The following PTPRM variants were observed in gnomAD, a reference collection of about 807,000 sequenced individuals.
The protein encoded by PTPRM is receptor-type tyrosine-protein phosphatase mu.
PTPRM carries 47 observed loss-of-function variants against 186.7 expected under a neutral mutation model. The observed-to-expected ratio is 0.25, with a 90% CI of 0.20 to 0.32. The LOEUF is 0.32. Ranked by LOEUF, PTPRM falls within the 10% of genes least tolerant of loss-of-function variation. PTPRM has a pLI of 1.00. For synonymous variants in PTPRM, 668 were observed against 674.9 expected (o/e 0.99, Z 0.16); for missense variants, 1,494 against 1,865.0 (o/e 0.80, Z 3.66).
intron 22 of PTPRM, among the ~76,000 whole-genome samples, chr18:8,341,046 C>T (rs2095471516): frequency 8.7e-6 from 1 of 114,410 alleles, no homozygotes; most frequent in South Asian, 3.4e-4. Context: ...CTGTATAGTG[C>T]TTGGGAGCAG....
intron 1 of PTPRM, among the ~76,000 whole-genome samples, chr18:7,666,523 C>A (rs567543118): frequency 6.6e-6 from 1 of 152,194 alleles, no homozygotes; most frequent in South Asian, 2.1e-4. Context: ...CAGCGTCTGA[C>A]GAGTCTTCAC....
chr18:8,129,000 G>A (rs1031222357), intron 13 of PTPRM, among the ~76,000 whole-genome samples: 6 of 152,016 alleles, frequency 3.9e-5, no homozygotes, highest in African/African-American at 1.2e-4. Flanking sequence ...TCATATTTTA[G>A]GAAACCTAAC....
intron 28 of PTPRM, 92 bp downstream of exon 28, chr18:8,379,432 C>G: frequency 1.6e-6 from 2 of 1,289,728 alleles, no homozygotes; most frequent in South Asian, 1.9e-5. Context: ...GCTCACCAGC[C>G]CTTTTGTTTT....
chr18:7,579,035 T>G (rs979343687), intron 1 of PTPRM, among the ~76,000 whole-genome samples: 2 of 152,180 alleles, frequency 1.3e-5, no homozygotes, highest in Non-Finnish European at 2.9e-5. Flanking sequence ...ATAGTTGTGG[T>G]GCTGGGAGGT....
chr18:8,330,958 A>G (rs1466803322), intron 22 of PTPRM, among the ~76,000 whole-genome samples: 1 of 152,112 alleles, frequency 6.6e-6, no homozygotes, highest in Non-Finnish European at 1.5e-5. Flanking sequence ...ATTGTATAGC[A>G]TATTGTTGCC....
At chr18:7,694,431 C>CT (rs11369001) in intron 1 of PTPRM, among the ~76,000 whole-genome samples, 74,406 of 138,122 alleles carry the variant, frequency 0.54, 20,038 homozygotes, top group East Asian at 0.87. Flanking sequence ...TCCTTCCTTC[C>CT]TTTTTTTTTT....
chr18:7,704,032 C>T (rs761821217), intron 1 of PTPRM, among the ~76,000 whole-genome samples: 12 of 152,038 alleles, frequency 7.9e-5, no homozygotes, highest in East Asian at 1.9e-4. Context: ...TCGACTTTAT[C>T]GTGGTGAATA....
At position 8,120,556 on chromosome 18, in the gene PTPRM, G is replaced by A. The variant is rs866244254; in HGVS notation, c.2167+5729G>A. ...TGCTCAGGCTGGAGTGTAGTGGCGC[G>A]ATCTCTGCTCACTATTGCAACCTCT... is the stretch of plus-strand genomic sequence containing the variant. On this transcript the variant is annotated intron_variant, in intron 13 of 32. Coordinates refer to ENST00000580170, the MANE Select transcript of PTPRM (RefSeq NM_001105244.2). 5.4e-5 allele frequency among the ~76,000 whole-genome samples: 8 copies of A among 148,314 alleles called. No homozygotes were observed. In the Middle Eastern group the frequency reaches 0.011, roughly 197 times the overall value.
At chr18:8,152,834 C>T (rs1441554255) in intron 14 of PTPRM, among the ~76,000 whole-genome samples, 2 of 150,518 alleles carry the variant, frequency 1.3e-5, no homozygotes, top group African/African-American at 2.4e-5. Flanking sequence ...TCTTCTGCCT[C>T]AGCCTCCCAA....
chr18:8,322,023 A>G (rs2095348841), intron 22 of PTPRM, among the ~76,000 whole-genome samples: 1 of 152,194 alleles, frequency 6.6e-6, no homozygotes, highest in Non-Finnish European at 1.5e-5. Flanking sequence ...CCAAGAGGCC[A>G]ACAAAATGGG....
At position 8,069,978 on chromosome 18, in the gene PTPRM, G is replaced by A. The variant is rs770517367; in HGVS notation, c.1425G>A (p.Val475=). The A allele has an allele frequency of 1.2e-6, 2 of 1,613,174 alleles. No individual in the cohort carries two copies. The highest frequency in any genetic ancestry group is 2.7e-5 in the African/African-American group (2 of 74,886). Residue 475 remains valine (V), a synonymous_variant, in exon 8 of 33, where the codon GTG becomes GTA. Coordinates refer to ENST00000580170, the MANE Select transcript of PTPRM (RefSeq NM_001105244.2). Reference sequence around the variant, plus strand: ...GGAAGGAAAGCCAAGAACTCATAGTGCAGACAGATGAAGACCGTGAGTACC... The same window carrying A: ...GGAAGGAAAGCCAAGAACTCATAGTACAGACAGATGAAGACCGTGAGTACC... ...EGRKESQELI[V]QTDEDLPGAV... is the part of the protein sequence containing the mutation.
At chr18:7,772,202 T>C (rs2042297723) in intron 1 of PTPRM, among the ~76,000 whole-genome samples, 2 of 152,132 alleles carry the variant, frequency 1.3e-5, no homozygotes, top group Non-Finnish European at 2.9e-5. Context: ...ACATGACAGC[T>C]CTTTTCAAAT....
chr18:7,776,842 G>A (rs985720778), intron 2 of PTPRM, among the ~76,000 whole-genome samples: 5 of 152,284 alleles, frequency 3.3e-5, no homozygotes, highest in Admixed American at 2.0e-4. Flanking sequence ...TCAAAGCACC[G>A]TTGTTAGAAG....
chr18:8,002,088 C>T (rs568575478), intron 7 of PTPRM, among the ~76,000 whole-genome samples: 9 of 152,252 alleles, frequency 5.9e-5, no homozygotes, highest in African/African-American at 1.4e-4. Context: ...GAAAAATTGC[C>T]GGTAATCCAT....
intron 1 of PTPRM, among the ~76,000 whole-genome samples, chr18:7,600,826 C>T (rs1051964535): frequency 1.3e-4 from 20 of 152,196 alleles, no homozygotes; most frequent in Non-Finnish European, 2.5e-4. Context: ...ACGCTGCGCC[C>T]CTCAGTTCCC....
In PTPRM at chr18:7,957,201, T is replaced by G. The variant is rs1215266768; in HGVS notation, c.1132+1787T>G. Among the ~76,000 whole-genome samples the G allele has an allele frequency of 2.6e-5, 4 of 152,126 alleles. No individual in the cohort carries two copies. In the Middle Eastern group the frequency reaches 0.014, roughly 517 times the overall value. On this transcript the variant is annotated intron_variant, in intron 7 of 32. Coordinates refer to ENST00000580170, the MANE Select transcript of PTPRM (RefSeq NM_001105244.2). The stretch of plus-strand genomic sequence containing the variant: ...TTTTTTTTTTTTACACATTTTTGCC[T>G]TTTCTTTTGGTTTTGTGTCTGTACA...
rs773064222 is a variant in PTPRM, at chr18:8,069,884, A to T, written c.1331A>T (p.His444Leu). The change falls in exon 8 of 33, where the codon CAC (histidine) becomes CTC (leucine). Residue 444 changes from histidine (H) to leucine (L), a missense_variant. Coordinates refer to ENST00000580170, the MANE Select transcript of PTPRM (RefSeq NM_001105244.2). The part of the protein sequence containing the change: ...SWDTENSHPQ[H>L]TITNLSPYTN... ...GATACAGAAAACTCACACCCTCAAC[A>T]CACGATCACTAACCTGTCACCATAC... 3 of 1,613,790 alleles carry T rather than the reference A, an allele frequency of 1.9e-6. No individual in the cohort carries two copies. Among genetic ancestry groups the T allele is most frequent in the Non-Finnish European group, 2.5e-6 (3 of 1,179,776 alleles).
chr18:7,987,728 C>A (rs1401341695), intron 7 of PTPRM, among the ~76,000 whole-genome samples: 1 of 152,130 alleles, frequency 6.6e-6, no homozygotes, highest in African/African-American at 2.4e-5. Flanking sequence ...TAAATCACAT[C>A]TAATTTTAAA....
At chr18:7,584,438 A>G (rs1426422391) in intron 1 of PTPRM, among the ~76,000 whole-genome samples, 2 of 152,204 alleles carry the variant, frequency 1.3e-5, no homozygotes, top group Non-Finnish European at 2.9e-5. Flanking sequence ...GCTGCCATGT[A>G]GCATGTGATT....
Sources: allele counts gnomAD v4.1 joint callset (sites outside exome capture counted in the v4.1 genomes callset), GRCh38; gene constraint gnomAD v4.1.1; transcripts MANE v1.5; gene names NCBI Gene and HGNC (gene_info 2026-07-23, HGNC 2026-07-21).